Variants in TNS1 observed in about 807,000 individuals in gnomAD.
The protein encoded by TNS1 is tensin-1.
In TNS1, 62 loss-of-function variants were observed where a neutral mutation model predicts 168.6. The ratio of observed to expected loss-of-function variants is 0.37; its 90% CI spans 0.30 to 0.45. The LOEUF is 0.45. TNS1 is among the 20% of genes least tolerant of loss of function. The probability of loss-of-function intolerance (pLI) is 1.00; values close to 1 mark genes in which losing one functional copy is unlikely to be tolerated. For synonymous variants in TNS1, 934 were observed against 933.2 expected (o/e 1.00, Z -0.02); for missense variants, 2,240 against 2,339.4 (o/e 0.96, Z 0.88).
intron 3 of TNS1, among the ~76,000 whole-genome samples, chr2:217,940,614 G>A (rs1038039336): frequency 5.3e-5 from 8 of 152,160 alleles, no homozygotes; most frequent in African/African-American, 1.4e-4. Context: ...GTTAGACATC[G>A]GAAAGGACCT....
At chr2:217,904,148 A>G (rs1953373698) in intron 6 of TNS1, among the ~76,000 whole-genome samples, 1 of 151,936 alleles carries the variant, frequency 6.6e-6, no homozygotes, top group South Asian at 2.1e-4. Context: ...CAACCCCCAC[A>G]TAGCACCCCC....
chr2:217,882,981 C>T (rs1950827179), intron 16 of TNS1, among the ~76,000 whole-genome samples: 1 of 151,940 alleles, frequency 6.6e-6, no homozygotes, highest in Admixed American at 6.6e-5. Flanking sequence ...TTTTTTATAG[C>T]GACGGAGTTT....
chr2:217,814,850 G>A (rs1423657035), intron 25 of TNS1, 62 bp downstream of exon 25: 5 of 1,432,936 alleles, frequency 3.5e-6, no homozygotes, highest in Non-Finnish European at 4.9e-6. Context: ...CCTTGCCCAG[G>A]GAAGACACAG....
intron 3 of TNS1, among the ~76,000 whole-genome samples, chr2:217,955,052 G>C (rs1957328505): frequency 6.6e-6 from 1 of 152,196 alleles, no homozygotes; most frequent in African/African-American, 2.4e-5. Flanking sequence ...CGGGCTGTCT[G>C]GGCAGCCAGA....
At chr2:217,940,292 C>T (rs1220971636) in intron 3 of TNS1, among the ~76,000 whole-genome samples, 1 of 152,164 alleles carries the variant, frequency 6.6e-6, no homozygotes, top group African/African-American at 2.4e-5. Flanking sequence ...AGGCTGGTAA[C>T]TGGGAGGGCT....
intron 21 of TNS1, among the ~76,000 whole-genome samples, chr2:217,831,752 A>G (rs1944458011): frequency 6.6e-6 from 1 of 152,192 alleles, no homozygotes; most frequent in African/African-American, 2.4e-5. Context: ...GATAAAGGGA[A>G]AGACTCAGGA....
intron 1 of TNS1, among the ~76,000 whole-genome samples, chr2:218,020,586 G>T (rs904678219): frequency 4.0e-5 from 6 of 151,842 alleles, no homozygotes; most frequent in African/African-American, 1.5e-4. Context: ...TGCTTTTGGG[G>T]ATAGGGTAAA....
intron 1 of TNS1, among the ~76,000 whole-genome samples, chr2:218,016,615 G>C (rs555025048): frequency 6.6e-6 from 1 of 152,200 alleles, no homozygotes; most frequent in Admixed American, 6.5e-5. Context: ...CCAGAGAACT[G>C]TGATAAGGGC....
At chr2:217,858,633 C>G in intron 18 of TNS1, 1 of 931,580 alleles carries the variant, frequency 1.1e-6, no homozygotes, top group Non-Finnish European at 1.3e-6. Context: ...CTCCGACTGT[C>G]AGGGGTGGGA....
chr2:217,908,974 A>G (rs530902554), intron 4 of TNS1, among the ~76,000 whole-genome samples: 3 of 152,014 alleles, frequency 2.0e-5, no homozygotes, highest in African/African-American at 7.2e-5. Context: ...CTAACCCACT[A>G]ATCCCCTAAC....
intron 3 of TNS1, among the ~76,000 whole-genome samples, chr2:217,941,538 G>A (rs1410280093): frequency 6.6e-6 from 1 of 152,160 alleles, no homozygotes; most frequent in Admixed American, 6.5e-5. Context: ...CAGGAAGGAG[G>A]GGGCCCCTGC....
At chr2:218,011,635 G>T (rs1958707120), upstream of TNS1, among the ~76,000 whole-genome samples, 1 of 152,114 alleles carries the variant, frequency 6.6e-6, no homozygotes, top group African/African-American at 2.4e-5. Flanking sequence ...CTGTGTGGGC[G>T]GAGGCCCTGA....
intron 18 of TNS1, among the ~76,000 whole-genome samples, chr2:217,855,371 C>T (rs1285411685): frequency 6.6e-6 from 1 of 152,204 alleles, no homozygotes; most frequent in Non-Finnish European, 1.5e-5. Flanking sequence ...TTCAAACTTC[C>T]CTGGGAAATT....
At chr2:217,910,019 G>C (rs1215268275) in intron 4 of TNS1, among the ~76,000 whole-genome samples, 1 of 152,058 alleles carries the variant, frequency 6.6e-6, no homozygotes, top group East Asian at 1.9e-4. Context: ...TCTAGCCTCG[G>C]GGCAGCACCT....
chr2:217,833,686 A>T (rs1252759865), intron 21 of TNS1, among the ~76,000 whole-genome samples: 1 of 152,252 alleles, frequency 6.6e-6, no homozygotes. Flanking sequence ...CCTGTCCAGC[A>T]CAGCAGTCAC....
At chr2:217,882,944 A>G (rs1252681090) in intron 16 of TNS1, among the ~76,000 whole-genome samples, 2 of 152,042 alleles carry the variant, frequency 1.3e-5, no homozygotes, top group African/African-American at 2.4e-5. Context: ...TACAGGTGCA[A>G]GCCACCACGC....
intron 3 of TNS1, among the ~76,000 whole-genome samples, chr2:217,947,215 C>T (rs1253206399): frequency 6.8e-6 from 1 of 146,148 alleles, no homozygotes; most frequent in Non-Finnish European, 1.5e-5. Context: ...TGCGGTTGGT[C>T]CCTTCAAGGG....
At chr2:217,923,963 A>T (rs781440726) in intron 3 of TNS1, among the ~76,000 whole-genome samples, 1 of 152,184 alleles carries the variant, frequency 6.6e-6, no homozygotes, top group Non-Finnish European at 1.5e-5. Flanking sequence ...ACAACAGGGC[A>T]CACCCGTGCA....
At chr2:217,984,710 A>G (rs1958146910) in intron 2 of TNS1, among the ~76,000 whole-genome samples, 1 of 146,156 alleles carries the variant, frequency 6.8e-6, no homozygotes. Flanking sequence ...CCAGGCTGGT[A>G]TCGAACTCCT....
Sources: gnomAD v4.1 joint callset for allele counts (sites outside exome capture counted in the v4.1 genomes callset) on GRCh38, gnomAD v4.1.1 for gene constraint, MANE v1.5 for transcripts, NCBI Gene and HGNC (gene_info 2026-07-23, HGNC 2026-07-21) for gene names.